EYA2: variants seen among roughly 807,000 people sequenced by gnomAD.
EYA2 encodes protein phosphatase EYA2.
In EYA2, 31 loss-of-function variants were observed where a neutral mutation model predicts 69.2. That is an observed-to-expected ratio of 0.45 (90% CI 0.34 to 0.60). The LOEUF (loss-of-function observed/expected upper bound fraction) is 0.60. Among genes scored for constraint, EYA2 ranks in the 20% least tolerant of loss-of-function variants. EYA2 has a pLI of 0.02. For synonymous variants in EYA2, 257 were observed against 279.4 expected (o/e 0.92, Z 0.80); for missense variants, 622 against 701.2 (o/e 0.89, Z 1.28).
rs368614894 is a variant in EYA2, at chr20:47,004,975, C to T, written c.189C>T (p.Ser63=). Residue 63 remains serine, a synonymous_variant, in exon 4 of 16, where the codon TCC becomes TCT. Transcript: ENST00000327619. ...CACGTGTCCTCCCCCGCCAGCCTTC[C>T]ACAGCCATGGCAGCCTACGGCCAGA... ...SCPRVLPRQP[S]TAMAAYGQTQ... 39 of 1,614,018 alleles carry T rather than the reference C, an allele frequency of 2.4e-5. No individual in the cohort carries two copies. Among genetic ancestry groups the T allele is most frequent in the Non-Finnish European group, 3.3e-5 (39 of 1,180,016 alleles).
intron 1 of EYA2, among the ~76,000 whole-genome samples, chr20:46,927,717 G>C (rs974718127): frequency 6.6e-6 from 1 of 152,164 alleles, no homozygotes; most frequent in African/African-American, 2.4e-5. Context: ...GGAATTATGG[G>C]AGCTACAGTT....
chr20:47,114,852 G>A (rs2032847262), intron 9 of EYA2, among the ~76,000 whole-genome samples: 3 of 152,088 alleles, frequency 2.0e-5, no homozygotes, highest in South Asian at 2.1e-4. Context: ...GCACTTCTCC[G>A]CCACTCTCCC....
intron 1 of EYA2, among the ~76,000 whole-genome samples, chr20:46,931,836 G>A (rs1297972676): frequency 6.6e-6 from 1 of 152,020 alleles, no homozygotes; most frequent in Non-Finnish European, 1.5e-5. Context: ...AGGAGAAGCC[G>A]TCCAAGCTGA....
chr20:47,092,243 T>C (rs1413892802), intron 8 of EYA2, among the ~76,000 whole-genome samples: 1 of 152,194 alleles, frequency 6.6e-6, no homozygotes, highest in Admixed American at 6.5e-5. Context: ...TCCCGAGATC[T>C]ACCAGTAGCC....
intron 1 of EYA2, among the ~76,000 whole-genome samples, chr20:46,944,845 T>C (rs909876026): frequency 6.6e-6 from 1 of 152,194 alleles, no homozygotes; most frequent in African/African-American, 2.4e-5. Flanking sequence ...GGCTCATTCC[T>C]ACAATCCCAG....
intron 10 of EYA2, among the ~76,000 whole-genome samples, chr20:47,149,688 C>CAA (rs59780173): frequency 1.2e-3 from 120 of 102,660 alleles, no homozygotes; most frequent in African/African-American, 3.0e-3. Context: ...ACTAAAAATA[C>CAA]AAAAAAAAAA....
intron 1 of EYA2, among the ~76,000 whole-genome samples, chr20:46,926,290 G>A (rs1265535026): frequency 6.6e-6 from 1 of 152,216 alleles, no homozygotes; most frequent in Admixed American, 6.5e-5. Context: ...ATTGGTTCAT[G>A]CAGTCATTCA....
At chr20:47,144,984 C>T (rs952257908) in intron 10 of EYA2, among the ~76,000 whole-genome samples, 2 of 152,098 alleles carry the variant, frequency 1.3e-5, no homozygotes, top group African/African-American at 4.8e-5. Context: ...CTCGTTTTAA[C>T]CAAAAGTGGA....
chr20:47,052,501 C>T (rs961644943), intron 5 of EYA2, among the ~76,000 whole-genome samples: 1 of 152,230 alleles, frequency 6.6e-6, no homozygotes, highest in Non-Finnish European at 1.5e-5. Context: ...CCAAGCCGAC[C>T]TTTGTTACTA....
At chr20:46,903,664 T>C (rs557955364) in intron 1 of EYA2, among the ~76,000 whole-genome samples, 1 of 152,272 alleles carries the variant, frequency 6.6e-6, no homozygotes, top group African/African-American at 2.4e-5. Flanking sequence ...TGAATAATAA[T>C]GCACCTTCCT....
rs74176892 is a variant in EYA2 at position 46,957,529 on chromosome 20, TCACACA to T, written c.-10-32428_-10-32423del. Among the ~76,000 whole-genome samples, 93 of 20,012 alleles carry T rather than the reference TCACACA, an allele frequency of 4.6e-3. 1 individual carries two copies. The highest frequency in any genetic ancestry group is 0.028 in the South Asian group (28 of 994). The allele number at this position is 20,012 out of a possible 152,430, so 13.1% of individuals were successfully genotyped here. ...TATAGGAGAGAGGCAGAAGGAGATT[TCACACA>T]CACACACACACACACACACACACAC... On this transcript the variant is annotated intron_variant, in intron 1 of 15. Transcript: ENST00000327619.
chr20:46,955,784 T>C (rs1979089566), intron 1 of EYA2, among the ~76,000 whole-genome samples: 1 of 152,216 alleles, frequency 6.6e-6, no homozygotes, highest in Admixed American at 6.5e-5. Context: ...TAGTAGTTCA[T>C]GTTGCTTATA....
At chr20:47,126,847 G>A (rs2033203026) in intron 9 of EYA2, among the ~76,000 whole-genome samples, 1 of 152,162 alleles carries the variant, frequency 6.6e-6, no homozygotes. Context: ...AGAGGCCACG[G>A]ATGCTGCTCA....
chr20:47,139,783 TC>T lies in EYA2; in HGVS notation c.889-3270del, dbSNP rs34688519. Reference sequence around the variant, plus strand: ...AGGTGCTACTTCTTGATTCTTTTTTTCCCCCCATTGTAGGCATGATCTCTGG... The same window carrying T: ...AGGTGCTACTTCTTGATTCTTTTTTTCCCCCATTGTAGGCATGATCTCTGG... On this transcript the variant is annotated intron_variant, in intron 9 of 15. Transcript: ENST00000327619. Among the ~76,000 whole-genome samples the T allele has an allele frequency of 3.4e-3, 510 of 152,144 alleles. 7 individuals are homozygous for T. Among genetic ancestry groups the T allele is most frequent in the African/African-American group, 0.011 (445 of 41,506 alleles).
chr20:47,133,086 T>G (rs2033381601), intron 9 of EYA2, among the ~76,000 whole-genome samples: 2 of 152,174 alleles, frequency 1.3e-5, no homozygotes, highest in Non-Finnish European at 2.9e-5. Flanking sequence ...AAAGGAGAAT[T>G]TGTTCATGTC....
At chr20:47,104,599 AT>A (rs2146530388) in intron 9 of EYA2, among the ~76,000 whole-genome samples, 1 of 152,192 alleles carries the variant, frequency 6.6e-6, no homozygotes, top group East Asian at 1.9e-4. Flanking sequence ...TTTTGAGTTA[AT>A]TTGTGTGTAT....
intron 4 of EYA2, among the ~76,000 whole-genome samples, chr20:47,008,598 C>A (rs1982871541): frequency 6.6e-6 from 1 of 152,240 alleles, no homozygotes; most frequent in South Asian, 2.1e-4. Context: ...TGTTCCCAGA[C>A]AAAACATGGC....
At position 46,957,495 on chromosome 20, in the gene EYA2, A is replaced by G. The variant is rs572961983; in HGVS notation, c.-10-32506A>G. Among the ~76,000 whole-genome samples the G allele has an allele frequency of 6.6e-4, 100 of 151,600 alleles. 1 individual carries two copies. Among genetic ancestry groups the G allele is most frequent in the South Asian group, 1.9e-3 (9 of 4,768 alleles). On this transcript the variant is annotated intron_variant, in intron 1 of 15. Coordinates refer to ENST00000327619, the MANE Select transcript of EYA2 (RefSeq NM_005244.5). Reference sequence around the variant, plus strand: ...CCAGGTTGGCCCCAAATGAGATCACAGTTGTTCTTATAGGAGAGAGGCAGA... The same window carrying G: ...CCAGGTTGGCCCCAAATGAGATCACGGTTGTTCTTATAGGAGAGAGGCAGA...
At chr20:46,914,428 C>G (rs184858722) in intron 1 of EYA2, among the ~76,000 whole-genome samples, 227 of 152,280 alleles carry the variant, frequency 1.5e-3, no homozygotes, top group African/African-American at 5.2e-3. Flanking sequence ...ACATACCCAA[C>G]TGGGTAATTT....
Sources: gnomAD v4.1 joint callset for allele counts (sites outside exome capture counted in the v4.1 genomes callset) on GRCh38, gnomAD v4.1.1 for gene constraint, MANE v1.5 for transcripts, NCBI Gene and HGNC (gene_info 2026-07-23, HGNC 2026-07-21) for gene names.